ARHGAP6: variants seen among roughly 807,000 people sequenced by gnomAD.
ARHGAP6 encodes the protein rho GTPase-activating protein 6.
A neutral mutation model predicts 55.7 loss-of-function variants in ARHGAP6; 16 were observed. The ratio of observed to expected loss-of-function variants is 0.29; its 90% confidence interval spans 0.19 to 0.44. ARHGAP6 has a LOEUF of 0.44. Among genes scored for constraint, ARHGAP6 ranks in the 20% least tolerant of loss-of-function variants. The pLI, the probability that ARHGAP6 is intolerant of heterozygous loss-of-function variation, is 1.00. For missense variants in ARHGAP6, 698 were observed against 808.9 expected (o/e 0.86, Z 1.66); for synonymous variants, 382 against 360.9 (o/e 1.06, Z -0.66).
intron 1 of ARHGAP6, among the ~76,000 whole-genome samples, chrX:11,260,445 C>T (rs1432221519): frequency 8.9e-6 from 1 of 111,764 alleles, no homozygotes; most frequent in Non-Finnish European, 1.9e-5. Flanking sequence ...GGTGCTGCTT[C>T]ATACTACAGG....
At position 11,616,153 on chromosome X, in the gene ARHGAP6, G is replaced by A. The variant is rs377371978; in HGVS notation, c.588+48088C>T. On this transcript the variant is annotated intron_variant, in intron 1 of 12. Transcript: ENST00000337414. The stretch of plus-strand genomic sequence containing the variant: ...GGATTATTTCTGGCAAGAATGGATT[G>A]TTATAACTAGTATACCCTGGGTTTG... Among the ~76,000 whole-genome samples the A allele has an allele frequency of 7.3e-5, 8 of 109,990 alleles. No homozygotes were observed. The East Asian group carries it at 2.0e-3, about 27-fold the overall frequency.
At chrX:11,408,763 T>G (rs768515113) in intron 1 of ARHGAP6, among the ~76,000 whole-genome samples, 9 of 109,989 alleles carry the variant, frequency 8.2e-5, no homozygotes, top group Admixed American at 1.9e-4. Context: ...CCTACCAGAG[T>G]TTACAAGATA....
chrX:11,353,079 A>G (rs1456682886), intron 1 of ARHGAP6, among the ~76,000 whole-genome samples: 1 of 111,936 alleles, frequency 8.9e-6, no homozygotes, highest in East Asian at 2.8e-4. Flanking sequence ...ACATGTTTCC[A>G]GACTGAAGGT....
chrX:11,352,878 T>G (rs1423956210), intron 1 of ARHGAP6, among the ~76,000 whole-genome samples: 3 of 111,928 alleles, frequency 2.7e-5, no homozygotes, highest in Non-Finnish European at 5.6e-5. Flanking sequence ...TCACCTGGAT[T>G]GATGTATACA....
At chrX:11,319,104 A>T (rs1462221428) in intron 1 of ARHGAP6, among the ~76,000 whole-genome samples, 3 of 112,403 alleles carry the variant, frequency 2.7e-5, no homozygotes, top group Non-Finnish European at 3.8e-5. Context: ...CCTCTAAAAA[A>T]GTCCTGTGAT....
At chrX:11,178,299 C>T in intron 7 of ARHGAP6, 51 bp from the exon 8 acceptor site, 1 of 1,135,111 alleles carries the variant, frequency 8.8e-7, no homozygotes, top group Non-Finnish European at 1.2e-6. Flanking sequence ...CCATACTATT[C>T]AGGCACAGAG....
intron 1 of ARHGAP6, among the ~76,000 whole-genome samples, chrX:11,302,878 CCA>C (rs1324527220): frequency 9.0e-6 from 1 of 111,297 alleles, no homozygotes; most frequent in African/African-American, 3.3e-5. Flanking sequence ...GTCAAGTTTA[CCA>C]TCCCCTTTCT....
chrX:11,200,869 A>G (rs1242902138), intron 2 of ARHGAP6, among the ~76,000 whole-genome samples: 1 of 112,365 alleles, frequency 8.9e-6, no homozygotes, highest in Non-Finnish European at 1.9e-5. Context: ...AATTAATTCT[A>G]GAGATAATAA....
chrX:11,423,971 T>C (rs1263206756), intron 1 of ARHGAP6, among the ~76,000 whole-genome samples: 1 of 112,540 alleles, frequency 8.9e-6, no homozygotes, highest in Admixed American at 9.4e-5. Context: ...ATAAAGATAT[T>C]GCATTGAACT....
chrX:11,357,963 T>C lies in ARHGAP6; in HGVS notation c.589-103256A>G, dbSNP rs1426503710. Among the ~76,000 whole-genome samples, 7 of 111,949 alleles carry C rather than the reference T, an allele frequency of 6.3e-5. No homozygotes were observed. The South Asian group carries it at 1.9e-3, about 30-fold the overall frequency. On this transcript the variant is annotated intron_variant, in intron 1 of 12. Coordinates refer to ENST00000337414, the MANE Select transcript of ARHGAP6 (RefSeq NM_013427.3). ...GTAAGTTTTAGTATATTCAGAGTCA[T>C]GCAACCATTACCACAATCAACTTTG...
chrX:11,265,631 T>A lies in ARHGAP6; in HGVS notation c.589-10924A>T. ...TGGATGTGAAAGAATCACAAAACTT[T>A]ATCACAATTATTTTCTGAAAAAGTA... On this transcript the variant is annotated intron_variant, in intron 1 of 12. Coordinates refer to ENST00000337414, the MANE Select transcript of ARHGAP6 (RefSeq NM_013427.3). 2.3e-5 allele frequency: 18 copies of A among 789,867 alleles called. No homozygotes were observed. The South Asian group carries it at 6.7e-4, about 30-fold the overall frequency. 65.1% of individuals were successfully genotyped at this position (789,867 alleles called of 1,213,427 possible).
In ARHGAP6 at chrX:11,202,799, C is replaced by CAAAAAAAAAAAAAAAAAAAAAA. The variant is rs776633959; in HGVS notation, c.749-5825_749-5804dup. Among the ~76,000 whole-genome samples the CAAAAAAAAAAAAAAAAAAAAAA allele has an allele frequency of 2.1e-4, 2 of 9,451 alleles. 1 individual carries two copies. The highest frequency in any genetic ancestry group is 8.7e-4 in the African/African-American group (2 of 2,299). The allele number at this position is 9,451 out of a possible 115,157, so 8.2% of individuals were successfully genotyped here. A position where few individuals can be genotyped will look rare whatever the true frequency, so the allele number is the denominator to read the frequency against. Reference sequence around the variant, plus strand: ...TGGGTGACAGAGCAAGACTCCGTCTCAAAAAAAAAAAAAAAAAAAAAAAAA... The same window carrying CAAAAAAAAAAAAAAAAAAAAAA: ...TGGGTGACAGAGCAAGACTCCGTCTCAAAAAAAAAAAAAAAAAAAAAAAAAAAAAAAAAAAAAAAAAAAAAAA... On this transcript the variant is annotated intron_variant, in intron 2 of 12. Transcript: ENST00000337414.
chrX:11,247,037 C>T (rs918727633), intron 2 of ARHGAP6, among the ~76,000 whole-genome samples: 1 of 111,900 alleles, frequency 8.9e-6, no homozygotes, highest in African/African-American at 3.2e-5. Context: ...AAGACAGCTG[C>T]AGTGTTGGCC....
At chrX:11,663,167 A>T (rs2147212129) in intron 1 of ARHGAP6, among the ~76,000 whole-genome samples, 1 of 112,628 alleles carries the variant, frequency 8.9e-6, no homozygotes, top group Non-Finnish European at 1.9e-5. Flanking sequence ...GGTTTACTAA[A>T]GCCAAAGTCT....
At chrX:11,377,834 G>A (rs2049219289) in intron 1 of ARHGAP6, among the ~76,000 whole-genome samples, 2 of 111,582 alleles carry the variant, frequency 1.8e-5, no homozygotes, top group Admixed American at 1.9e-4. Context: ...GTGGAGCCAA[G>A]GAACTGATCT....
intron 1 of ARHGAP6, among the ~76,000 whole-genome samples, chrX:11,602,441 C>A (rs189756124): frequency 8.9e-6 from 1 of 112,443 alleles, no homozygotes; most frequent in East Asian, 2.8e-4. Context: ...AAGTGTCTCT[C>A]CGGGATACCT....
intron 2 of ARHGAP6, among the ~76,000 whole-genome samples, chrX:11,240,249 A>G (rs1451006837): frequency 1.8e-5 from 2 of 112,480 alleles, no homozygotes; most frequent in Non-Finnish European, 3.8e-5. Flanking sequence ...GAGTGGAATG[A>G]ATTCAAAATT....
rs189017371 is a variant in ARHGAP6 at position 11,218,512 on chromosome X, G to T, written c.749-21516C>A. Among the ~76,000 whole-genome samples, 112 of 110,972 alleles carry T rather than the reference G, an allele frequency of 1.0e-3. 2 individuals carry two copies. In the East Asian group the frequency reaches 0.025, roughly 25 times the overall value. On this transcript the variant is annotated intron_variant, in intron 2 of 12. Coordinates refer to ENST00000337414, the MANE Select transcript of ARHGAP6 (RefSeq NM_013427.3). The stretch of plus-strand genomic sequence containing the variant: ...AGGGAGGAGTCTCTTTTTTTCTGTT[G>T]TTCGGAATAGTTTCAGAAGGAATGG...
At chrX:11,567,566 A>AAAAAAAAAAAAAAATATATATATAT (rs1440758737) in intron 1 of ARHGAP6, among the ~76,000 whole-genome samples, 21 of 84,391 alleles carry the variant, frequency 2.5e-4, no homozygotes, top group Non-Finnish European at 3.0e-4. Context: ...AAAAAAAAAA[A>AAAAAAAAAAAAAAATATATATATAT]ATATATATAT....
Sources: gnomAD v4.1 joint callset for allele counts (sites outside exome capture counted in the v4.1 genomes callset) on GRCh38, gnomAD v4.1.1 for gene constraint, MANE v1.5 for transcripts, NCBI Gene and HGNC (gene_info 2026-07-23, HGNC 2026-07-21) for gene names.